The following ZNF665 variants were observed in gnomAD, a reference collection of about 807,000 sequenced individuals.
ZNF665 encodes zinc finger protein 665.
A neutral mutation model predicts 7.9 loss-of-function variants in ZNF665; 6 were observed. The ratio of observed to expected loss-of-function variants is 0.76; its 90% CI spans 0.42 to 1.50. The LOEUF (loss-of-function observed/expected upper bound fraction) is 1.50, where lower values mean the gene tolerates loss of function less well. Ranked by LOEUF, ZNF665 falls within the 40% of genes most tolerant of loss-of-function variation. ZNF665 has a pLI of 0.01. For synonymous variants in ZNF665, 242 were observed against 274.5 expected, an observed-to-expected ratio of 0.88 and a Z score of 1.17; for missense variants, 819 against 806.7, an observed-to-expected ratio of 1.02 and a Z score of -0.18.
chr19:53,183,926 G>A (rs1350282277), intron 1 of ZNF665, among the ~76,000 whole-genome samples: 2 of 152,112 alleles, frequency 1.3e-5, no homozygotes, highest in Non-Finnish European at 2.9e-5. Flanking sequence ...GAGGGCTGAG[G>A]TCTTCAAACA....
In ZNF665 at chr19:53,165,350, C is replaced by A; in HGVS notation, c.1140G>T (p.Gly380=). Residue 380 remains glycine (G), a synonymous_variant, in exon 4 of 4, where the codon GGG becomes GGT. Coordinates refer to ENST00000396424, the MANE Select transcript of ZNF665 (RefSeq NM_024733.5). ...AGTTTGAATGCATACTGAAGGCTTT[C>A]CCACACTCATTACACTTGTAAGGTT... ...GEKPYKCNEC[G]KAFSMHSNLT... is the part of the protein sequence containing the mutation. 6.2e-7 allele frequency: 1 copy of A among 1,613,722 alleles called. No individual in the cohort carries two copies. The highest frequency in any genetic ancestry group is 2.2e-5 in the East Asian group (1 of 44,830).
Position 53,166,140 on chromosome 19 carries a change from T to C in ZNF665, c.350A>G (p.Lys117Arg). The change falls in exon 4 of 4, where the codon AAA becomes AGA. Residue 117 changes from lysine to arginine, a missense_variant. Coordinates refer to ENST00000396424, the MANE Select transcript of ZNF665 (RefSeq NM_024733.5). ...AGCTCTTCTACCAGGGAGATTTTCTTTTTGCAACATAAGTACTGTTTTATA... is the reference window on the plus strand; with the variant it reads ...AGCTCTTCTACCAGGGAGATTTTCTCTTTGCAACATAAGTACTGTTTTATA... ...GNYKTVLMLQKENLPGRRAQR... is the reference protein window; with the variant it reads ...GNYKTVLMLQRENLPGRRAQR... The C allele has an allele frequency of 1.2e-6, 2 of 1,613,832 alleles. No individual in the cohort carries two copies. Among genetic ancestry groups the C allele is most frequent in the Non-Finnish European group, 1.7e-6 (2 of 1,179,804 alleles).
chr19:53,167,553 T>C (rs1391811081), intron 3 of ZNF665, among the ~76,000 whole-genome samples: 1 of 148,392 alleles, frequency 6.7e-6, no homozygotes, highest in Non-Finnish European at 1.5e-5. Flanking sequence ...TTCCCGCCAT[T>C]CTCCTGCCTC....
intron 1 of ZNF665, among the ~76,000 whole-genome samples, chr19:53,184,735 C>CG (rs1365412741): frequency 6.6e-6 from 1 of 152,096 alleles, no homozygotes; most frequent in Non-Finnish European, 1.5e-5. Flanking sequence ...CAGCTGGGCC[C>CG]GGGGGACCAC....
intron 2 of ZNF665, chr19:53,182,503 C>G: frequency 1.6e-6 from 1 of 608,264 alleles, no homozygotes; most frequent in Non-Finnish European, 3.0e-6. Flanking sequence ...TTCGTGGGTG[C>G]TTGTACACAC....
At chr19:53,179,235 G>A (rs567949607) in intron 2 of ZNF665, among the ~76,000 whole-genome samples, 2 of 152,044 alleles carry the variant, frequency 1.3e-5, no homozygotes, top group African/African-American at 4.8e-5. Context: ...AATTAGCCAG[G>A]CGTGGTGGCG....
At position 53,175,670 on chromosome 19, in the gene ZNF665, A is replaced by T. The variant is rs2090692515; in HGVS notation, c.16-99T>A. On this transcript the variant is annotated intron_variant, in intron 2 of 3. Coordinates refer to ENST00000396424, the MANE Select transcript of ZNF665 (RefSeq NM_024733.5). ...AGAGCTGTAAGAATAGGTTCAATTC[A>T]CGTAAGCAGACTGACACATCCAGGC... 2.9e-6 allele frequency: 4 copies of T among 1,378,580 alleles called. No homozygotes were observed. In the African/African-American group the frequency reaches 5.8e-5, roughly 20 times the overall value. 85.4% of individuals were successfully genotyped at this position (1,378,580 alleles called of 1,614,324 possible).
chr19:53,175,350 C>T (rs2090688733), intron 3 of ZNF665, 95 bp downstream of exon 3: 1 of 1,459,434 alleles, frequency 6.9e-7, no homozygotes, highest in African/African-American at 1.4e-5. Context: ...CATCAATCCT[C>T]ATCAAGCAAT....
chr19:53,173,467 C>T (rs1237354527), intron 3 of ZNF665, among the ~76,000 whole-genome samples: 4 of 150,216 alleles, frequency 2.7e-5, no homozygotes, highest in African/African-American at 9.8e-5. Context: ...CTCTGCCTCC[C>T]GGGTTCAAGT....
chr19:53,192,559 A>AC (rs1215907948), intron 1 of ZNF665, among the ~76,000 whole-genome samples: 1 of 151,916 alleles, frequency 6.6e-6, no homozygotes, highest in Non-Finnish European at 1.5e-5. Context: ...GTAAATCCTG[A>AC]CCCATCCTCT....
rs375809831 is a variant in ZNF665, at chr19:53,165,436, C to T, written c.1054G>A (p.Gly352Ser). ...GEKPYKCNEC[G>S]KVFRHNSYLA... ...TATGAATTGTGCCTGAAGACCTTGC[C>T]ACATTCATTACATTTGTAAGGTTTT... is the stretch of plus-strand genomic sequence containing the variant. Residue 352 changes from glycine to serine, a missense_variant, in exon 4 of 4, where the codon GGC (glycine) becomes AGC (serine). Physicochemically the swap from Gly to Ser is moderately conservative, Grantham distance 56 (BLOSUM62 0). Coordinates refer to ENST00000396424, the MANE Select transcript of ZNF665 (RefSeq NM_024733.5). The T allele has an allele frequency of 1.9e-6, 3 of 1,613,092 alleles. No individual in the cohort carries two copies. The African/African-American group carries it at 4.0e-5, about 22-fold the overall frequency.
At chr19:53,171,524 A>ATATATATTTTTTTT (rs372855271) in intron 3 of ZNF665, among the ~76,000 whole-genome samples, 2 of 69,324 alleles carry the variant, frequency 2.9e-5, no homozygotes, top group Admixed American at 2.2e-4. Flanking sequence ...ATATATATAT[A>ATATATATTTTTTTT]TTTTTTTTTT....
intron 3 of ZNF665, among the ~76,000 whole-genome samples, chr19:53,171,522 A>ATTTTTTTTTTTTT (rs1271373888): frequency 1.3e-5 from 1 of 75,382 alleles, no homozygotes; most frequent in African/African-American, 5.4e-5. Flanking sequence ...ATATATATAT[A>ATTTTTTTTTTTTT]TATTTTTTTT....
intron 1 of ZNF665, among the ~76,000 whole-genome samples, chr19:53,185,667 C>T (rs912566174): frequency 6.6e-6 from 1 of 151,950 alleles, no homozygotes. Context: ...GGGAGTAAGC[C>T]GTGCATAGTC....
chr19:53,185,056 T>C (rs910862762), intron 1 of ZNF665, among the ~76,000 whole-genome samples: 16 of 152,118 alleles, frequency 1.1e-4, no homozygotes, highest in Admixed American at 6.5e-5. Context: ...GAAGGCGGAC[T>C]AGGAGCGTGA....
At chr19:53,182,382 CA>C (rs943938194) in intron 2 of ZNF665, 64 of 340,902 alleles carry the variant, frequency 1.9e-4, no homozygotes, top group Middle Eastern at 9.3e-4. Flanking sequence ...ACAAAAACAA[CA>C]AAAAAAAGGA....
intron 1 of ZNF665, among the ~76,000 whole-genome samples, chr19:53,189,275 T>C (rs901389954): frequency 6.6e-6 from 1 of 151,678 alleles, no homozygotes; most frequent in South Asian, 2.1e-4. Flanking sequence ...AGTGTAGAAA[T>C]AACGACACAA....
chr19:53,168,052 T>A (rs552076509), intron 3 of ZNF665, among the ~76,000 whole-genome samples: 413 of 27,714 alleles, frequency 0.015, 1 homozygote, highest in Middle Eastern at 0.11. Flanking sequence ...CCTGACTCCC[T>A]CTCAAAAAAA....
intron 2 of ZNF665, among the ~76,000 whole-genome samples, 155 bp from the exon 3 acceptor site, chr19:53,175,726 C>T (rs1568661072): frequency 6.6e-6 from 1 of 152,198 alleles, no homozygotes; most frequent in East Asian, 1.9e-4. Context: ...ATTTGATCTT[C>T]CTCCCCTTTT....
Sources: allele counts gnomAD v4.1 joint callset (sites outside exome capture counted in the v4.1 genomes callset), GRCh38; gene constraint gnomAD v4.1.1; transcripts MANE v1.5; gene names NCBI Gene and HGNC (gene_info 2026-07-23, HGNC 2026-07-21).